The following CALCR variants were observed in gnomAD, a reference collection of about 807,000 sequenced individuals.
CALCR encodes calcitonin receptor.
CALCR carries 47 observed loss-of-function variants against 59.5 expected under a neutral mutation model. The ratio of observed to expected loss-of-function variants is 0.79; its 90% CI spans 0.63 to 1.01. The LOEUF (loss-of-function observed/expected upper bound fraction) is 1.01, where lower values mean the gene tolerates loss of function less well. Ranked by LOEUF, CALCR falls within the 50% of genes least tolerant of loss-of-function variation. The pLI is 0.00. For synonymous variants in CALCR, 213 were observed against 211.3 expected (o/e 1.01, Z -0.07); for missense variants, 566 against 597.1 (o/e 0.95, Z 0.54).
intron 2 of CALCR, among the ~76,000 whole-genome samples, chr7:93,505,768 C>T (rs1801412195): frequency 6.6e-6 from 1 of 152,122 alleles, no homozygotes; most frequent in Admixed American, 6.6e-5. Context: ...TTTACCATCC[C>T]ATTCTAGCTA....
chr7:93,462,742 A>G (rs190698164), intron 7 of CALCR, among the ~76,000 whole-genome samples: 33 of 152,142 alleles, frequency 2.2e-4, no homozygotes, highest in Non-Finnish European at 4.1e-4. Flanking sequence ...GTTGTACATT[A>G]GCTTAAATGA....
At chr7:93,460,248 G>C (rs1315404797) in intron 8 of CALCR, among the ~76,000 whole-genome samples, 1 of 151,824 alleles carries the variant, frequency 6.6e-6, no homozygotes, top group African/African-American at 2.4e-5. Context: ...ATAAATTACT[G>C]GTTAGTCTTA....
chr7:93,534,161 C>T (rs1788923340), intron 2 of CALCR, among the ~76,000 whole-genome samples: 1 of 151,852 alleles, frequency 6.6e-6, no homozygotes, highest in South Asian at 2.1e-4. Context: ...ATTTACTATC[C>T]GTGTATCAAG....
chr7:93,565,113 T>C (rs1789835200), intron 2 of CALCR, among the ~76,000 whole-genome samples: 1 of 152,212 alleles, frequency 6.6e-6, no homozygotes, highest in Non-Finnish European at 1.5e-5. Context: ...TTTTTCTGCA[T>C]TTGCTAATGG....
chr7:93,530,181 T>C (rs1398067721), intron 2 of CALCR, among the ~76,000 whole-genome samples: 2 of 152,084 alleles, frequency 1.3e-5, no homozygotes, highest in Non-Finnish European at 2.9e-5. Context: ...AATGAGAAAA[T>C]AGTGTTTGAG....
chr7:93,494,371 C>A (rs182700295), intron 2 of CALCR, among the ~76,000 whole-genome samples: 1 of 151,250 alleles, frequency 6.6e-6, no homozygotes, highest in East Asian at 2.0e-4. Flanking sequence ...AAAAGGGGAC[C>A]CCCATGGTCT....
In CALCR at chr7:93,564,745, C is replaced by A. The variant is rs113189227; in HGVS notation, c.-27+9544G>T. Among the ~76,000 whole-genome samples the A allele has an allele frequency of 8.0e-4, 117 of 145,898 alleles. 1 individual carries two copies. The highest frequency in any genetic ancestry group is 2.9e-3 in the African/African-American group (111 of 37,698). On this transcript the variant is annotated intron_variant, in intron 2 of 13. Transcript: ENST00000426151. The stretch of plus-strand genomic sequence containing the variant: ...CTGGGATTACAGGAGTGGGCCACCA[C>A]ACCCAGCCAATTTTTTTTTTTTTCC...
At chr7:93,514,316 T>G (rs1287035224) in intron 2 of CALCR, among the ~76,000 whole-genome samples, 7 of 152,032 alleles carry the variant, frequency 4.6e-5, no homozygotes, top group Non-Finnish European at 8.8e-5. Flanking sequence ...CCTTTAAATC[T>G]GAGGTTGGCC....
chr7:93,473,737 G>T (rs1446950637), intron 5 of CALCR, among the ~76,000 whole-genome samples: 1 of 151,620 alleles, frequency 6.6e-6, no homozygotes, highest in African/African-American at 2.4e-5. Context: ...TGGAGGAAAA[G>T]GATAAGAAGA....
chr7:93,505,629 T>C (rs1801409094), intron 2 of CALCR, among the ~76,000 whole-genome samples: 1 of 152,150 alleles, frequency 6.6e-6, no homozygotes, highest in South Asian at 2.1e-4. Context: ...CTAAACTTCT[T>C]ATCTCCACTA....
At chr7:93,428,056 T>C (rs1002445964) in intron 13 of CALCR, among the ~76,000 whole-genome samples, 1 of 152,216 alleles carries the variant, frequency 6.6e-6, no homozygotes, top group South Asian at 2.1e-4. Context: ...GGGTACTTTA[T>C]ATCTAAAGTG....
At chr7:93,475,875 C>G (rs1244797852) in intron 5 of CALCR, among the ~76,000 whole-genome samples, 1 of 151,800 alleles carries the variant, frequency 6.6e-6, no homozygotes, top group African/African-American at 2.4e-5. Flanking sequence ...CCGCTAACAG[C>G]CTGGAGACTC....
At chr7:93,437,724 G>C (rs1227997116) in intron 11 of CALCR, among the ~76,000 whole-genome samples, 1 of 152,122 alleles carries the variant, frequency 6.6e-6, no homozygotes, top group African/African-American at 2.4e-5. Flanking sequence ...AGTTTTCAAA[G>C]ACCCTAGATG....
intron 2 of CALCR, among the ~76,000 whole-genome samples, chr7:93,540,051 A>T (rs765870913): frequency 2.6e-5 from 4 of 152,198 alleles, no homozygotes; most frequent in Non-Finnish European, 4.4e-5. Context: ...GAAGAAAGAG[A>T]GTAGCTGCTT....
intron 2 of CALCR, among the ~76,000 whole-genome samples, chr7:93,515,606 A>G (rs1801633915): frequency 6.6e-6 from 1 of 152,010 alleles, no homozygotes; most frequent in Admixed American, 6.6e-5. Flanking sequence ...TGAAATATAT[A>G]CACATACACC....
chr7:93,450,351 T>G (rs1330556028), intron 8 of CALCR, among the ~76,000 whole-genome samples: 1 of 152,010 alleles, frequency 6.6e-6, no homozygotes, highest in East Asian at 1.9e-4. Flanking sequence ...TGTTAGATCA[T>G]CTTTTCATTC....
In CALCR at chr7:93,472,470, A is replaced by C. The variant is rs1800574942; in HGVS notation, c.334T>G (p.Cys112Gly). 1.2e-6 allele frequency: 2 copies of C among 1,601,012 alleles called. No individual in the cohort carries two copies. Among genetic ancestry groups the C allele is most frequent in the Admixed American group, 3.4e-5 (2 of 59,668 alleles). The change falls in exon 6 of 14, where the codon TGT (cysteine) becomes GGT (glycine). Residue 112 changes from cysteine to glycine, a missense_variant. Physicochemically the swap from Cys to Gly is radical, Grantham distance 159. Transcript: ENST00000426151. ...FDPSEKVTKY[C>G]DEKGVWFKHP... ...TTAAACCAAACACCTTTTTCATCAC[A>C]GTATTTTGTAACCTTTTCTGTTAAT...
rs568849727 is a variant in CALCR, at chr7:93,440,090, C to T, written c.803-1820G>A. Among the ~76,000 whole-genome samples, 125 of 152,198 alleles carry T rather than the reference C, an allele frequency of 8.2e-4. 1 individual carries two copies. The highest frequency in any genetic ancestry group is 2.5e-4 in the Non-Finnish European group (17 of 68,010). On this transcript the variant is annotated intron_variant, in intron 9 of 13. Coordinates refer to ENST00000426151, the MANE Select transcript of CALCR (RefSeq NM_001742.4). ...CTAGAATTGGAAACATTATTCACAG[C>T]TGAATTAAATGAATGGGCTTTACAT...
chr7:93,475,221 A>T (rs894703752), intron 5 of CALCR, among the ~76,000 whole-genome samples: 1 of 151,796 alleles, frequency 6.6e-6, no homozygotes, highest in African/African-American at 2.4e-5. Flanking sequence ...AAATGGATGA[A>T]AAAACATTTT....
Sources: allele counts gnomAD v4.1 joint callset (sites outside exome capture counted in the v4.1 genomes callset), GRCh38; gene constraint gnomAD v4.1.1; transcripts MANE v1.5; gene names NCBI Gene and HGNC (gene_info 2026-07-23, HGNC 2026-07-21).